VPS26A: variants seen among roughly 807,000 people sequenced by gnomAD.
VPS26A encodes the protein VPS26 retromer complex component A, also known as vacuolar protein sorting-associated protein 26A.
A neutral mutation model predicts 42.4 loss-of-function variants in VPS26A; 22 were observed. The ratio of observed to expected loss-of-function variants is 0.52; its 90% CI spans 0.37 to 0.74. The LOEUF is 0.74. VPS26A is among the 30% of genes least tolerant of loss of function. The pLI is 0.00. For missense variants in VPS26A, 276 were observed against 379.2 expected (o/e 0.73, Z 2.26); for synonymous variants, 110 against 123.5 (o/e 0.89, Z 0.73).
chr10:69,133,155 T>G, intron 2 of VPS26A, 108 bp downstream of exon 2: 2 of 1,032,058 alleles, frequency 1.9e-6, no homozygotes, highest in Non-Finnish European at 2.7e-6. Flanking sequence ...GGGAGAGAGA[T>G]TTTTTTTTCC....
chr10:69,157,986 TTTAAAACA>T, intron 4 of VPS26A, 53 bp from the exon 5 acceptor site: 2 of 1,429,426 alleles, frequency 1.4e-6, no homozygotes, highest in Admixed American at 2.4e-5. Context: ...TGTTTGCTGA[TTTAAAACA>T]TGAAAATTTA....
At chr10:69,147,735 A>C (rs1243931037) in intron 2 of VPS26A, among the ~76,000 whole-genome samples, 1 of 151,614 alleles carries the variant, frequency 6.6e-6, no homozygotes, top group East Asian at 1.9e-4. Context: ...TTATTTTTTG[A>C]CAGAGTCCTG....
chr10:69,155,127 G>A (rs1276606591), intron 2 of VPS26A, among the ~76,000 whole-genome samples: 1 of 132,574 alleles, frequency 7.5e-6, no homozygotes, highest in Non-Finnish European at 1.6e-5. Context: ...TCCAGCCTAA[G>A]CAACAGAGTC....
intron 2 of VPS26A, among the ~76,000 whole-genome samples, chr10:69,137,813 T>C (rs1295168847): frequency 2.0e-5 from 3 of 151,908 alleles, no homozygotes; most frequent in Admixed American, 6.5e-5. Context: ...TTGACTCTTA[T>C]GAAAGGACAT....
intron 1 of VPS26A, among the ~76,000 whole-genome samples, chr10:69,125,417 T>G (rs907551422): frequency 2.0e-5 from 3 of 152,148 alleles, no homozygotes; most frequent in Admixed American, 2.0e-4. Context: ...TAGCTTACAA[T>G]GTAGGGAGAG....
intron 2 of VPS26A, 106 bp downstream of exon 2, chr10:69,133,153 G>T (rs1377884832): frequency 8.5e-6 from 10 of 1,178,626 alleles, no homozygotes; most frequent in South Asian, 4.7e-5. Flanking sequence ...GAGGGAGAGA[G>T]ATTTTTTTTT....
chr10:69,149,969 T>G (rs1442143507), intron 2 of VPS26A, among the ~76,000 whole-genome samples: 1 of 152,012 alleles, frequency 6.6e-6, no homozygotes, highest in East Asian at 1.9e-4. Context: ...GTCTCTTAAC[T>G]CCTGACCTCA....
At position 69,173,402 on chromosome 10, in the gene VPS26A, A is replaced by C. The variant is rs1589368583; in HGVS notation, c.*2133A>C. On this transcript the variant is annotated 3_prime_UTR_variant, in exon 9 of 9. Coordinates refer to ENST00000263559, the MANE Select transcript of VPS26A (RefSeq NM_004896.5). ...AGCCACTTCAGGAGTCTGAGGCGGAAGGATCACCTGGAATTCGAGACCAGC... is the reference window on the plus strand; with the variant it reads ...AGCCACTTCAGGAGTCTGAGGCGGACGGATCACCTGGAATTCGAGACCAGC... Among the ~76,000 whole-genome samples the C allele has an allele frequency of 6.6e-6, 1 of 152,300 alleles. No individual in the cohort carries two copies. Among genetic ancestry groups the C allele is most frequent in the South Asian group, 2.1e-4 (1 of 4,830 alleles).
intron 3 of VPS26A, 110 bp from the exon 4 acceptor site, chr10:69,156,897 C>A: frequency 2.9e-6 from 3 of 1,033,106 alleles, no homozygotes; most frequent in Non-Finnish European, 4.1e-6. Flanking sequence ...TTATTAGAGA[C>A]AAACTCAATA....
intron 2 of VPS26A, among the ~76,000 whole-genome samples, chr10:69,141,901 T>C (rs554812772): frequency 9.8e-5 from 15 of 152,292 alleles, no homozygotes; most frequent in South Asian, 8.3e-4. Flanking sequence ...TCTTTTTTTT[T>C]TGAGATGCAG....
chr10:69,145,809 A>G (rs1207158951), intron 2 of VPS26A, among the ~76,000 whole-genome samples: 3 of 151,508 alleles, frequency 2.0e-5, no homozygotes, highest in South Asian at 2.1e-4. Context: ...GATTTTTACT[A>G]TATTTGCAGA....
At chr10:69,126,119 G>C (rs10823301) in intron 1 of VPS26A, among the ~76,000 whole-genome samples, 1 of 151,932 alleles carries the variant, frequency 6.6e-6, no homozygotes. Flanking sequence ...TATTCCAAAT[G>C]CGCCCTTGAA....
intron 2 of VPS26A, among the ~76,000 whole-genome samples, chr10:69,143,004 AG>A (rs1841077944): frequency 6.6e-6 from 1 of 152,226 alleles, no homozygotes; most frequent in South Asian, 2.1e-4. Flanking sequence ...AAAATGGGGT[AG>A]AAAGTTTGTT....
At chr10:69,150,553 A>G (rs772134794) in intron 2 of VPS26A, among the ~76,000 whole-genome samples, 2 of 151,184 alleles carry the variant, frequency 1.3e-5, no homozygotes, top group South Asian at 4.2e-4. Context: ...GCCTGCCACC[A>G]CACCCGGCTA....
rs76243784 is a variant in VPS26A, at chr10:69,171,448, T to C, written c.*179T>C. 4.6e-4 allele frequency: 224 copies of C among 484,322 alleles called. 2 individuals carry two copies. The East Asian group carries it at 8.1e-3, about 18-fold the overall frequency. The allele number at this position is 484,322 out of a possible 1,614,324, so 30.0% of individuals were successfully genotyped here. A position where few individuals can be genotyped will look rare whatever the true frequency, so the allele number is the denominator to read the frequency against. ...TATGATATAATGAAATGTTCGTTCA[T>C]GTATATACATTTTTAAAAGTGCTTT... On this transcript the variant is annotated 3_prime_UTR_variant, in exon 9 of 9. Transcript: ENST00000263559.
intron 2 of VPS26A, among the ~76,000 whole-genome samples, chr10:69,134,598 A>C (rs1840862591): frequency 6.6e-6 from 1 of 151,704 alleles, no homozygotes; most frequent in African/African-American, 2.4e-5. Context: ...AAACAATCTT[A>C]TTATTTTAAT....
chr10:69,162,450 T>C lies in VPS26A; in HGVS notation c.596T>C (p.Leu199Ser). The change falls in exon 6 of 9, where the codon TTA (leucine) becomes TCA (serine). Residue 199 changes from leucine (L) to serine (S), a missense_variant. Transcript: ENST00000263559. ...ATTGTTGGAAAAATTTACTTCTTAT[T>C]AGTAAGAATAAAAATACAACATATG... ...DVIVGKIYFL[L>S]VRIKIQHMEL... is the part of the protein sequence containing the mutation. 1.3e-6 allele frequency: 2 copies of C among 1,567,618 alleles called. No homozygotes were observed. The highest frequency in any genetic ancestry group is 1.7e-6 in the Non-Finnish European group (2 of 1,142,884).
At chr10:69,161,939 C>T in intron 5 of VPS26A, 1 of 201,694 alleles carries the variant, frequency 5.0e-6, no homozygotes, top group Non-Finnish European at 1.0e-5. Context: ...TGAATACACC[C>T]AGGCCGCCAC....
chr10:69,167,478 G>A (rs973909518), intron 7 of VPS26A, among the ~76,000 whole-genome samples: 40 of 151,628 alleles, frequency 2.6e-4, no homozygotes, highest in African/African-American at 9.7e-4. Context: ...GCTCACGCCT[G>A]TAATCCCAGC....
Sources: allele counts gnomAD v4.1 joint callset (sites outside exome capture counted in the v4.1 genomes callset), GRCh38; gene constraint gnomAD v4.1.1; transcripts MANE v1.5; gene names NCBI Gene and HGNC (gene_info 2026-07-23, HGNC 2026-07-21).